The following CAMKK2 variants were observed in gnomAD, a reference collection of about 807,000 sequenced individuals.
The protein encoded by CAMKK2 is calcium/calmodulin dependent protein kinase kinase 2.
Under a neutral mutation model 67.2 loss-of-function variants are expected in CAMKK2, and 30 were observed. The observed-to-expected ratio is 0.45, with a 90% CI of 0.33 to 0.61. The LOEUF is 0.61. Ranked by LOEUF, CAMKK2 falls within the 20% of genes least tolerant of loss-of-function variation. The pLI is 0.02. For missense variants in CAMKK2, 643 were observed against 802.0 expected, an observed-to-expected ratio of 0.80 and a Z score of 2.39; for synonymous variants, 322 against 326.2, an observed-to-expected ratio of 0.99 and a Z score of 0.14.
At chr12:121,266,370 C>T (rs1339923295) in intron 5 of CAMKK2, among the ~76,000 whole-genome samples, 2 of 152,130 alleles carry the variant, frequency 1.3e-5, no homozygotes, top group African/African-American at 4.8e-5. Context: ...TTTAAGCAAG[C>T]GAAATCCTCT....
chr12:121,252,818 T>G, intron 10 of CAMKK2, 104 bp from the exon 11 acceptor site: 1 of 1,170,180 alleles, frequency 8.5e-7, no homozygotes, highest in Non-Finnish European at 1.2e-6. Flanking sequence ...CCCTTGGAGT[T>G]GGGGCGGGAC....
intron 5 of CAMKK2, among the ~76,000 whole-genome samples, chr12:121,267,423 T>C (rs897601859): frequency 1.3e-5 from 2 of 149,210 alleles, no homozygotes; most frequent in Non-Finnish European, 3.0e-5. Context: ...AATTTACCAT[T>C]TTAAAATGTG....
chr12:121,281,718 C>CTTT (rs1377790065), intron 1 of CAMKK2, among the ~76,000 whole-genome samples: 2 of 152,162 alleles, frequency 1.3e-5, no homozygotes, highest in African/African-American at 4.8e-5. Context: ...GAGGCCGAGA[C>CTTT]GGGTGGATCA....
At chr12:121,266,043 C>T (rs907690900) in intron 5 of CAMKK2, among the ~76,000 whole-genome samples, 5 of 151,992 alleles carry the variant, frequency 3.3e-5, no homozygotes, top group African/African-American at 7.2e-5. Context: ...GGGATCCTCC[C>T]GCCTCAGCCT....
At position 121,240,195 on chromosome 12, in the gene CAMKK2, C is replaced by T. The variant is rs1888086003; in HGVS notation, c.*504G>A. 2 of 557,018 alleles carry T rather than the reference C, an allele frequency of 3.6e-6. No individual in the cohort carries two copies. Among genetic ancestry groups the T allele is most frequent in the Non-Finnish European group, 6.3e-6 (2 of 316,792 alleles). 34.5% of individuals were successfully genotyped at this position (557,018 alleles called of 1,614,324 possible). A position where few individuals can be genotyped will look rare whatever the true frequency, so the allele number is the denominator to read the frequency against. On this transcript the variant is annotated 3_prime_UTR_variant, in exon 17 of 17. Transcript: ENST00000404169. This position sits in a 1 kb window ranked among gnomAD's most constrained non-coding sequence, Gnocchi z 4.4. ...CTACTGAGGGCCAGCCCTGCTCTGA[C>T]TCCTTGAGACCACGGCTCTGGAAGG...
At chr12:121,257,249 CTTT>C (rs199805251) in intron 7 of CAMKK2, among the ~76,000 whole-genome samples, 3 of 143,958 alleles carry the variant, frequency 2.1e-5, no homozygotes, top group African/African-American at 5.1e-5. Context: ...ATTAAAAAAA[CTTT>C]TTTTTTTTTT....
chr12:121,266,052 C>T (rs1405745253), intron 5 of CAMKK2, among the ~76,000 whole-genome samples: 1 of 152,128 alleles, frequency 6.6e-6, no homozygotes, highest in African/African-American at 2.4e-5. Flanking sequence ...CCGCCTCAGC[C>T]TCCCGAGTAG....
chr12:121,285,516 G>A lies in CAMKK2; in HGVS notation c.-59-10931C>T, dbSNP rs1199031346. 6.6e-6 allele frequency among the ~76,000 whole-genome samples: 1 copy of A among 151,774 alleles called. No homozygotes were observed. Among genetic ancestry groups the A allele is most frequent in the East Asian group, 1.9e-4 (1 of 5,152 alleles). ...GGACCTTATCTAAAAAAGAAACAGA[G>A]TAGATGTGTGGGCCAGGCATGGTGG... is the stretch of plus-strand genomic sequence containing the variant. On this transcript the variant is annotated intron_variant, in intron 1 of 16. Coordinates refer to ENST00000404169, the MANE Select transcript of CAMKK2 (RefSeq NM_001270485.2). This position sits in a 1 kb window ranked among gnomAD's most constrained non-coding sequence, Gnocchi z 4.1.
Position 121,253,132 on chromosome 12 carries a change from G to T in CAMKK2, c.1107+141C>A. The T allele has an allele frequency of 2.8e-6, 2 of 717,226 alleles. No individual in the cohort carries two copies. The highest frequency in any genetic ancestry group is 4.7e-6 in the Non-Finnish European group (2 of 421,890). The allele number at this position is 717,226 out of a possible 1,614,324, so 44.4% of individuals were successfully genotyped here. On this transcript the variant is annotated intron_variant, in intron 10 of 16. Transcript: ENST00000404169. This position sits in a 1 kb window ranked among gnomAD's most constrained non-coding sequence, Gnocchi z 5.0. ...GTTTCTGTTTGAGTCCCTGGATCTA[G>T]CCAAGCCTGAAGCCTACCCCTCAGT...
intron 4 of CAMKK2, 118 bp downstream of exon 4, chr12:121,269,410 C>T (rs1199288695): frequency 5.1e-6 from 4 of 790,470 alleles, no homozygotes; most frequent in African/African-American, 3.5e-5. Flanking sequence ...ACAAAATAAA[C>T]ATGACCTAAG....
At chr12:121,252,817 T>G in intron 10 of CAMKK2, 103 bp from the exon 11 acceptor site, 1 of 1,180,750 alleles carries the variant, frequency 8.5e-7, no homozygotes, top group Non-Finnish European at 1.2e-6. Flanking sequence ...GCCCTTGGAG[T>G]TGGGGCGGGA....
At chr12:121,260,235 GGC>G (rs1035008026) in intron 7 of CAMKK2, 82 bp downstream of exon 7, 4 of 1,198,572 alleles carry the variant, frequency 3.3e-6, no homozygotes, top group Non-Finnish European at 4.7e-6. Context: ...AAGGTGCCAG[GGC>G]ACAGGCTGCC....
chr12:121,267,022 CTTTTTTTTTTTTTTT>C (rs58762246), intron 5 of CAMKK2, among the ~76,000 whole-genome samples: 14 of 30,770 alleles, frequency 4.5e-4, no homozygotes, highest in East Asian at 1.3e-3. Context: ...GTGCTCTGGC[CTTTTTTTTTTTTTTT>C]TTTTTTTTTT....
rs202066052 is a variant in CAMKK2 at position 121,248,741 on chromosome 12, C to A, written c.1324-7G>T. On this transcript the variant is annotated splice_region_variant and splice_polypyrimidine_tract_variant and intron_variant, in intron 13 of 16. Transcript: ENST00000404169. ...TCGTGACCCAGGGGTGCAGCTTCAA[C>A]GAACGACAGGAGGGGTGAGGGGCAG... is the stretch of plus-strand genomic sequence containing the variant. 140 of 1,613,752 alleles carry A rather than the reference C, an allele frequency of 8.7e-5. No individual in the cohort carries two copies. The highest frequency in any genetic ancestry group is 1.1e-4 in the Non-Finnish European group (134 of 1,179,978).
rs1217504002 is a variant in CAMKK2, at chr12:121,285,456, T to A, written c.-59-10871A>T. On this transcript the variant is annotated intron_variant, in intron 1 of 16. Transcript: ENST00000404169. The surrounding 1 kb of genome is among the most constrained non-coding windows in gnomAD (Gnocchi z 4.1). ...AGGGGGAGGTTGCAGTGAGCCAAGA[T>A]TGCACCACTGCACTCCAGCCTGGGC... 6.6e-6 allele frequency among the ~76,000 whole-genome samples: 1 copy of A among 151,970 alleles called. No homozygotes were observed. Among genetic ancestry groups the A allele is most frequent in the Non-Finnish European group, 1.5e-5 (1 of 67,992 alleles).
chr12:121,250,600 C>T (rs1890510727), intron 11 of CAMKK2, among the ~76,000 whole-genome samples: 1 of 152,098 alleles, frequency 6.6e-6, no homozygotes, highest in African/African-American at 2.4e-5. Context: ...CTAAAACAGA[C>T]AACCCCCAAT....
chr12:121,249,472 G>A (rs1177256406), intron 13 of CAMKK2, among the ~76,000 whole-genome samples: 2 of 152,220 alleles, frequency 1.3e-5, no homozygotes, highest in African/African-American at 4.8e-5. Context: ...GAAAGGACCT[G>A]AGCTCTGGGA....
chr12:121,274,626 G>A, intron 1 of CAMKK2, 41 bp from the exon 2 acceptor site: 1 of 782,508 alleles, frequency 1.3e-6, no homozygotes, highest in Non-Finnish European at 2.0e-6. Flanking sequence ...GCTCCTACGG[G>A]CAGGGACAGG....
At chr12:121,260,259 C>T in intron 7 of CAMKK2, 60 bp downstream of exon 7, 1 of 1,454,098 alleles carries the variant, frequency 6.9e-7, no homozygotes, top group East Asian at 2.4e-5. Flanking sequence ...CGAGAGGACC[C>T]CTGGGCATTG....
Sources: allele counts gnomAD v4.1 joint callset (sites outside exome capture counted in the v4.1 genomes callset), GRCh38; gene constraint gnomAD v4.1.1; non-coding constraint Gnocchi (gnomAD v3.1); transcripts MANE v1.5; gene names NCBI Gene and HGNC (gene_info 2026-07-23, HGNC 2026-07-21).